RGS12: variants seen among roughly 807,000 people sequenced by gnomAD.
RGS12 encodes regulator of G-protein signaling 12.
A neutral mutation model predicts 120.1 loss-of-function variants in RGS12; 66 were observed. The ratio of observed to expected loss-of-function variants is 0.55; its 90% CI spans 0.45 to 0.67. RGS12 has a LOEUF of 0.67. Among genes scored for constraint, RGS12 ranks in the 30% least tolerant of loss-of-function variants. The pLI is 0.00. For synonymous variants in RGS12, 827 were observed against 804.7 expected, an observed-to-expected ratio of 1.03 and a Z score of -0.47; for missense variants, 1,859 against 1,957.7, an observed-to-expected ratio of 0.95 and a Z score of 0.95.
chr4:3,331,847 T>C (rs1410143197), intron 2 of RGS12, among the ~76,000 whole-genome samples: 1 of 152,184 alleles, frequency 6.6e-6, no homozygotes, highest in Non-Finnish European at 1.5e-5. Flanking sequence ...AGGAGCCTCA[T>C]GGGCCTGCGG....
intron 1 of RGS12, among the ~76,000 whole-genome samples, chr4:3,294,848 T>C (rs1258451093): frequency 6.6e-6 from 1 of 151,878 alleles, no homozygotes; most frequent in East Asian, 1.9e-4. Flanking sequence ...TGACCGGAGG[T>C]CTCAGGGAGG....
chr4:3,392,480 T>G lies in RGS12; in HGVS notation c.2020+6043T>G, dbSNP rs537882489. On this transcript the variant is annotated intron_variant, in intron 4 of 17. Coordinates refer to ENST00000336727, the MANE Select transcript of RGS12 (RefSeq NM_001394154.1). ...AGGCCGTTTCATGTTCAGGCTTCTG[T>G]GTCGCCTGCATGCTTGCCATTTCAT... Among the ~76,000 whole-genome samples, 62 of 152,310 alleles carry G rather than the reference T, an allele frequency of 4.1e-4. No homozygotes were observed. The South Asian group carries it at 0.013, about 32-fold the overall frequency.
At position 3,342,957 on chromosome 4, in the gene RGS12, A is replaced by T. The variant is rs569921747; in HGVS notation, c.1902A>T (p.Gly634=). The part of the protein sequence containing the change: ...EDKKGSKFGR[G]TGLTQPSQRT... ...TTTAGGGCTCAAAATTTGGGCGGGG[A>T]ACTGGACTCACTCAGCCTTCTCAAC... The change falls in exon 3 of 18, where the codon GGA becomes GGT. Residue 634 remains glycine, a synonymous_variant. Transcript: ENST00000336727. The T allele has an allele frequency of 6.8e-6, 11 of 1,613,730 alleles. No homozygotes were observed. Among genetic ancestry groups the T allele is most frequent in the Non-Finnish European group, 7.6e-6 (9 of 1,179,880 alleles).
intron 1 of RGS12, among the ~76,000 whole-genome samples, chr4:3,309,334 G>A (rs535626082): frequency 6.7e-6 from 1 of 149,002 alleles, no homozygotes; most frequent in African/African-American, 2.5e-5. Flanking sequence ...TGGGAGAGGA[G>A]CTGGGATCCG....
chr4:3,430,351 C>A, intron 16 of RGS12, 56 bp from the exon 17 acceptor site: 1 of 1,465,404 alleles, frequency 6.8e-7, no homozygotes. Flanking sequence ...TCTGCGGTGA[C>A]AGTCATTAAT....
intron 7 of RGS12, among the ~76,000 whole-genome samples, chr4:3,416,575 CTACTG>C (rs926771539): frequency 6.6e-6 from 1 of 152,148 alleles, no homozygotes; most frequent in Non-Finnish European, 1.5e-5. Context: ...TCAAAGCAGT[CTACTG>C]TAAGATTTCT....
At chr4:3,422,617 C>T (rs748176289) in intron 11 of RGS12, 47 bp downstream of exon 11, 2 of 1,565,408 alleles carry the variant, frequency 1.3e-6, no homozygotes, top group Non-Finnish European at 8.7e-7. Flanking sequence ...CCATGACCTC[C>T]CCGCTCCCTG....
intron 1 of RGS12, among the ~76,000 whole-genome samples, chr4:3,299,063 G>A (rs965609841): frequency 2.6e-5 from 4 of 152,152 alleles, no homozygotes; most frequent in Non-Finnish European, 1.5e-5. Flanking sequence ...GGTAACTGTA[G>A]TGACTTCTTT....
At chr4:3,414,530 G>A (rs940014654) in intron 5 of RGS12, 4 of 600,716 alleles carry the variant, frequency 6.7e-6, no homozygotes, top group African/African-American at 5.6e-5. Flanking sequence ...AAGAAGCCAG[G>A]TGCCTGTTGC....
chr4:3,370,377 C>T lies in RGS12; in HGVS notation c.1999-16039C>T, dbSNP rs568935661. 45 of 1,531,804 alleles carry T rather than the reference C, an allele frequency of 2.9e-5. No individual in the cohort carries two copies. In the East Asian group the frequency reaches 9.9e-4, roughly 34 times the overall value. 94.9% of individuals were successfully genotyped at this position (1,531,804 alleles called of 1,614,324 possible). A position where few individuals can be genotyped will look rare whatever the true frequency, so the allele number is the denominator to read the frequency against. ...AATCAGTGGTAGGAAAGCGTGGCACCCTGGCTATCCTGTTTTAGCGAGTGG... is the reference window on the plus strand; with the variant it reads ...AATCAGTGGTAGGAAAGCGTGGCACTCTGGCTATCCTGTTTTAGCGAGTGG... On this transcript the variant is annotated intron_variant, in intron 3 of 17. Transcript: ENST00000336727.
upstream of RGS12, among the ~76,000 whole-genome samples, chr4:3,292,738 G>A (rs73077112): frequency 0.16 from 24,665 of 152,242 alleles, 2,526 homozygotes; most frequent in African/African-American, 0.29. Flanking sequence ...GGCCAGTGCG[G>A]GTACACACCG....
intron 1 of RGS12, among the ~76,000 whole-genome samples, chr4:3,299,560 C>T (rs1283520240): frequency 6.6e-6 from 1 of 152,178 alleles, no homozygotes; most frequent in Non-Finnish European, 1.5e-5. Flanking sequence ...TGGGAACTGT[C>T]AATTTACGGA....
chr4:3,322,582 T>C (rs557177851), intron 2 of RGS12, among the ~76,000 whole-genome samples: 108 of 152,322 alleles, frequency 7.1e-4, no homozygotes, highest in African/African-American at 2.4e-3. Flanking sequence ...CTCAAAGTTA[T>C]ATTAATTAAT....
intron 3 of RGS12, among the ~76,000 whole-genome samples, chr4:3,344,452 G>C (rs1378088854): frequency 6.6e-6 from 1 of 152,204 alleles, no homozygotes; most frequent in Non-Finnish European, 1.5e-5. Flanking sequence ...CTGACCATCT[G>C]TGCACAAGTC....
intron 13 of RGS12, chr4:3,423,916 GC>G (rs1052359367): frequency 2.4e-5 from 9 of 380,946 alleles, no homozygotes; most frequent in African/African-American, 1.8e-4. Context: ...GAGAAACAAA[GC>G]AACCAACCCT....
At chr4:3,324,493 G>T in intron 2 of RGS12, 1 of 199,028 alleles carries the variant, frequency 5.0e-6, no homozygotes, top group Non-Finnish European at 1.0e-5. Flanking sequence ...TACGCCATTG[G>T]GTAGCTGCCT....
At chr4:3,411,367 G>A (rs1043687610) in intron 4 of RGS12, among the ~76,000 whole-genome samples, 1 of 151,906 alleles carries the variant, frequency 6.6e-6, no homozygotes, top group Non-Finnish European at 1.5e-5. Flanking sequence ...CTGCGTGTTC[G>A]GGATTGTGGT....
intron 2 of RGS12, among the ~76,000 whole-genome samples, chr4:3,323,395 G>A (rs1377888423): frequency 6.6e-6 from 1 of 152,232 alleles, no homozygotes; most frequent in East Asian, 1.9e-4. Context: ...CCCGCTCCGC[G>A]CGGGGAGCTG....
intron 17 of RGS12, among the ~76,000 whole-genome samples, chr4:3,435,985 C>T (rs1724770015): frequency 6.8e-6 from 1 of 147,112 alleles, no homozygotes; most frequent in African/African-American, 2.5e-5. Context: ...CCCTATTCCC[C>T]ACTCACCACA....
Sources: allele counts gnomAD v4.1 joint callset (sites outside exome capture counted in the v4.1 genomes callset), GRCh38; gene constraint gnomAD v4.1.1; transcripts MANE v1.5; gene names NCBI Gene and HGNC (gene_info 2026-07-23, HGNC 2026-07-21).